IL3RA: variants seen among roughly 807,000 people sequenced by gnomAD.
IL3RA encodes interleukin-3 receptor subunit alpha.
A neutral mutation model predicts 52.3 loss-of-function variants in IL3RA; 73 were observed. The observed-to-expected ratio is 1.40, with a 90% CI of 1.16 to 1.70. IL3RA has a LOEUF of 1.70. Among genes scored for constraint, IL3RA ranks in the 40% most tolerant of loss-of-function variants. The pLI, the probability that IL3RA is intolerant of heterozygous loss-of-function variation, is 0.00. For missense variants in IL3RA, 664 were observed against 504.4 expected, an observed-to-expected ratio of 1.32 and a Z score of -3.03; for synonymous variants, 260 against 194.0, an observed-to-expected ratio of 1.34 and a Z score of -2.83.
In IL3RA at chrX:1,349,979, G is replaced by A. The variant is rs760025731; in HGVS notation, c.298+1434G>A. 5.9e-5 allele frequency among the ~76,000 whole-genome samples: 9 copies of A among 152,054 alleles called. No individual in the cohort carries two copies. In the South Asian group the frequency reaches 1.9e-3, roughly 32 times the overall value. Reference sequence around the variant, plus strand: ...AATTTAATTATTTTTAAGTTTAATGGATTTCCAGGGAGTTATGCCGAGTCG... The same window carrying A: ...AATTTAATTATTTTTAAGTTTAATGAATTTCCAGGGAGTTATGCCGAGTCG... On this transcript the variant is annotated intron_variant, in intron 4 of 11. Transcript: ENST00000331035.
At chrX:1,347,158 A>G (rs1248845386) in intron 3 of IL3RA, among the ~76,000 whole-genome samples, 1 of 151,618 alleles carries the variant, frequency 6.6e-6, no homozygotes, top group African/African-American at 2.4e-5. Context: ...ATAAGAATAC[A>G]CAAGTAGGCC....
chrX:1,352,621 T>C, intron 6 of IL3RA, 115 bp downstream of exon 6: 1 of 1,119,184 alleles, frequency 8.9e-7, no homozygotes, highest in Non-Finnish European at 1.3e-6. Context: ...GCCTCTCACA[T>C]TTCCAGAGGC....
At chrX:1,368,362 A>T (rs1247006529) in intron 9 of IL3RA, among the ~76,000 whole-genome samples, 1 of 152,024 alleles carries the variant, frequency 6.6e-6, no homozygotes, top group Non-Finnish European at 1.5e-5. Flanking sequence ...AGGTGGGTAG[A>T]TCACCTGAGG....
At chrX:1,364,488 T>C (rs2087753507) in intron 8 of IL3RA, among the ~76,000 whole-genome samples, 1 of 152,154 alleles carries the variant, frequency 6.6e-6, no homozygotes, top group Non-Finnish European at 1.5e-5. Flanking sequence ...TGAAACTCTG[T>C]CTCAAAACAA....
intron 9 of IL3RA, among the ~76,000 whole-genome samples, chrX:1,377,043 A>C (rs371925217): frequency 8.8e-5 from 13 of 148,506 alleles, no homozygotes; most frequent in Non-Finnish European, 1.8e-4. Context: ...ATGGACTAAG[A>C]CATCTCATAA....
Position 1,362,120 on chromosome X carries a change from GTCTC to G in IL3RA, c.760-3014_760-3011del, listed in dbSNP as rs201598218. 4.3e-3 allele frequency among the ~76,000 whole-genome samples: 621 copies of G among 144,364 alleles called. 16 individuals carry two copies. The highest frequency in any genetic ancestry group is 0.025 in the Admixed American group (366 of 14,396). The allele number at this position is 144,364 out of a possible 152,430, so 94.7% of individuals were successfully genotyped here. On this transcript the variant is annotated intron_variant, in intron 8 of 11. Coordinates refer to ENST00000331035, the MANE Select transcript of IL3RA (RefSeq NM_002183.4). ...TGTCCATCACCCACTCTGTCTCTTT[GTCTC>G]TCTATGTCTCTCTGTTTCTGTTTTT...
At chrX:1,356,155 AG>A (rs2086686681) in intron 6 of IL3RA, 65 bp from the exon 7 acceptor site, 2 of 1,055,930 alleles carry the variant, frequency 1.9e-6, no homozygotes, top group Non-Finnish European at 2.9e-6. Context: ...AGAAAAAAAA[AG>A]AGAAAAAGAA....
chrX:1,366,744 C>A (rs2088095932), intron 9 of IL3RA, among the ~76,000 whole-genome samples: 1 of 5,804 alleles, frequency 1.7e-4, no homozygotes, highest in Non-Finnish European at 2.5e-4. Context: ...GCGCGGGGTG[C>A]GCGGCGTGAG....
At chrX:1,377,521 G>A (rs1435845324) in intron 9 of IL3RA, among the ~76,000 whole-genome samples, 1 of 152,140 alleles carries the variant, frequency 6.6e-6, no homozygotes, top group Non-Finnish European at 1.5e-5. Flanking sequence ...GGGATTACAG[G>A]CGTGAGCCAC....
rs1569526200 is a variant in IL3RA, at chrX:1,365,348, CGGGGTGA to C, written c.874+98_874+104del. 2.9e-4 allele frequency: 78 copies of C among 271,876 alleles called. 1 individual carries two copies. In the African/African-American group the frequency reaches 3.0e-3, roughly 10 times the overall value. The allele number at this position is 271,876 out of a possible 1,614,324, so 16.8% of individuals were successfully genotyped here. On this transcript the variant is annotated intron_variant, in intron 9 of 11. Transcript: ENST00000331035. Reference sequence around the variant, plus strand: ...GGGTGAGCGGGGTGCGCGGGGTGAGCGGGGTGAGCGGGGTGAGCCGGGTGCGCGGGGT... The same window carrying C: ...GGGTGAGCGGGGTGCGCGGGGTGAGCGCGGGGTGAGCCGGGTGCGCGGGGT...
At chrX:1,377,872 CAAAAAAAAA>C (rs35759027) in intron 9 of IL3RA, among the ~76,000 whole-genome samples, 3 of 111,934 alleles carry the variant, frequency 2.7e-5, no homozygotes, top group African/African-American at 8.7e-5. Flanking sequence ...GACTCTGTCT[CAAAAAAAAA>C]AAAAAGAAAA....
In IL3RA at chrX:1,352,043, G is replaced by C. The variant is rs1456181907; in HGVS notation, c.299-57G>C. 3.8e-6 allele frequency: 6 copies of C among 1,590,268 alleles called. No homozygotes were observed. In the East Asian group the frequency reaches 1.3e-4, roughly 36 times the overall value. ...GCCTCCCAAAATGCTGGGGTGACAG[G>C]CGTGAGCCACCGCGCCCGGTCCCGA... On this transcript the variant is annotated intron_variant, in intron 4 of 11. Transcript: ENST00000331035.
At position 1,378,874 on chromosome X, in the gene IL3RA, G is replaced by A. The variant is rs1281415987; in HGVS notation, c.980+110G>A. ...ATTATTATTTTTGTGATGGAGTCTC[G>A]CTCTGTCTCCCAGGCTGGAGTGCAG... is the stretch of plus-strand genomic sequence containing the variant. On this transcript the variant is annotated intron_variant, in intron 10 of 11. Coordinates refer to ENST00000331035, the MANE Select transcript of IL3RA (RefSeq NM_002183.4). 10 of 1,042,420 alleles carry A rather than the reference G, an allele frequency of 9.6e-6. No individual in the cohort carries two copies. The African/African-American group carries it at 1.4e-4, about 15-fold the overall frequency. 64.6% of individuals were successfully genotyped at this position (1,042,420 alleles called of 1,614,324 possible). A position where few individuals can be genotyped will look rare whatever the true frequency, so the allele number is the denominator to read the frequency against.
chrX:1,353,703 C>A (rs1211303383), intron 6 of IL3RA, among the ~76,000 whole-genome samples: 4 of 122,990 alleles, frequency 3.3e-5, no homozygotes, highest in Admixed American at 8.1e-5. Flanking sequence ...TCATGGGACC[C>A]CCCCCAATCA....
At position 1,348,510 on chromosome X, in the gene IL3RA, C is replaced by T. The variant is rs1379140691; in HGVS notation, c.263C>T (p.Pro88Leu). The T allele has an allele frequency of 6.2e-7, 1 of 1,613,746 alleles. No homozygotes were observed. The highest frequency in any genetic ancestry group is 1.7e-5 in the Admixed American group (1 of 59,972). ...VTNYTVRVANPPFSTWILFPE... is the reference protein window; with the variant it reads ...VTNYTVRVANLPFSTWILFPE... ...AACTACACCGTCCGAGTGGCCAACCCACCATTCTCCACGTGGATCCTCTTC... is the reference window on the plus strand; with the variant it reads ...AACTACACCGTCCGAGTGGCCAACCTACCATTCTCCACGTGGATCCTCTTC... Residue 88 changes from proline (P) to leucine (L), a missense_variant, in exon 4 of 12, where the codon CCA becomes CTA. Physicochemically the swap from Pro to Leu is moderately conservative, Grantham distance 98. Coordinates refer to ENST00000331035, the MANE Select transcript of IL3RA (RefSeq NM_002183.4).
At chrX:1,338,895 G>T (rs1440243385) in intron 1 of IL3RA, among the ~76,000 whole-genome samples, 1 of 152,110 alleles carries the variant, frequency 6.6e-6, no homozygotes, top group Non-Finnish European at 1.5e-5. Flanking sequence ...CACCTCCCGG[G>T]TTCAAGCAAT....
At chrX:1,379,162 T>C (rs6645243) in intron 10 of IL3RA, among the ~76,000 whole-genome samples, 14,422 of 142,854 alleles carry the variant, frequency 0.1, 1,628 homozygotes, top group African/African-American at 0.28. Context: ...ATTATTGTTA[T>C]GATTATTATT....
chrX:1,382,670 ATTT>A lies in IL3RA; in HGVS notation c.*216_*218del, dbSNP rs35294981. 22 of 531,694 alleles carry A rather than the reference ATTT, an allele frequency of 4.1e-5. No homozygotes were observed. The highest frequency in any genetic ancestry group is 3.8e-4 in the South Asian group (16 of 42,294). The allele number at this position is 531,694 out of a possible 1,614,324, so 32.9% of individuals were successfully genotyped here. A position where few individuals can be genotyped will look rare whatever the true frequency, so the allele number is the denominator to read the frequency against. On this transcript the variant is annotated 3_prime_UTR_variant, in exon 12 of 12. Transcript: ENST00000331035. Reference sequence around the variant, plus strand: ...TGTGTGTTTATTTCATGATAAAGTGATTTTTTTTTTTTTAACCCACTCACTGGT... The same window carrying A: ...TGTGTGTTTATTTCATGATAAAGTGATTTTTTTTTTAACCCACTCACTGGT...
Position 1,362,019 on chromosome X carries a change from T to C in IL3RA, c.760-3119T>C, listed in dbSNP as rs752175925. Among the ~76,000 whole-genome samples the C allele has an allele frequency of 2.6e-5, 4 of 152,076 alleles. No individual in the cohort carries two copies. The South Asian group carries it at 6.2e-4, about 24-fold the overall frequency. ...GCTTCTGTTTTCCTCTCTGTCTCTG[T>C]TTTTCTTTCCCTCTCTCTGTCTCTT... On this transcript the variant is annotated intron_variant, in intron 8 of 11. Coordinates refer to ENST00000331035, the MANE Select transcript of IL3RA (RefSeq NM_002183.4).
Sources: gnomAD v4.1 joint callset for allele counts (sites outside exome capture counted in the v4.1 genomes callset) on GRCh38, gnomAD v4.1.1 for gene constraint, MANE v1.5 for transcripts, NCBI Gene and HGNC (gene_info 2026-07-23, HGNC 2026-07-21) for gene names.